The following NAT1 variants were observed in gnomAD, a reference collection of about 807,000 sequenced individuals.
The protein encoded by NAT1 is N-acetyltransferase 1.
For synonymous variants in NAT1, 144 were observed against 122.6 expected, an observed-to-expected ratio of 1.17 and a Z score of -1.16; for missense variants, 400 against 339.2, an observed-to-expected ratio of 1.18 and a Z score of -1.41.
intron 2 of NAT1, among the ~76,000 whole-genome samples, chr8:18,219,790 A>G (rs1001455609): frequency 6.6e-6 from 1 of 152,208 alleles, no homozygotes; most frequent in Non-Finnish European, 1.5e-5. Flanking sequence ...CAGGCCTCTA[A>G]CAAAACTGAC....
chr8:18,186,173 GC>G (rs1373560322), intron 2 of NAT1, among the ~76,000 whole-genome samples: 1 of 152,116 alleles, frequency 6.6e-6, no homozygotes. Context: ...GATTTTTTGT[GC>G]TTTGATTTTA....
At chr8:18,194,068 C>T (rs1033951264) in intron 2 of NAT1, among the ~76,000 whole-genome samples, 11 of 152,260 alleles carry the variant, frequency 7.2e-5, no homozygotes, top group African/African-American at 2.6e-4. Flanking sequence ...TGTGTAGCCC[C>T]CTGGAGCCAG....
intron 1 of NAT1, among the ~76,000 whole-genome samples, chr8:18,217,273 G>A (rs1804774587): frequency 6.6e-6 from 1 of 151,792 alleles, no homozygotes; most frequent in African/African-American, 2.4e-5. Flanking sequence ...TGGGCATTGG[G>A]AAAGCTAAAA....
chr8:18,178,764 G>C (rs1019965152), intron 2 of NAT1, among the ~76,000 whole-genome samples: 1 of 152,150 alleles, frequency 6.6e-6, no homozygotes, highest in Non-Finnish European at 1.5e-5. Context: ...TAACAGATGA[G>C]TGAGTGTTAG....
intron 1 of NAT1, among the ~76,000 whole-genome samples, chr8:18,216,505 G>A (rs1211203957): frequency 6.6e-6 from 1 of 152,128 alleles, no homozygotes; most frequent in African/African-American, 2.4e-5. Context: ...CTCTAGTAAG[G>A]AAACCACAGC....
At chr8:18,184,670 C>A (rs759273656) in intron 2 of NAT1, among the ~76,000 whole-genome samples, 16 of 152,184 alleles carry the variant, frequency 1.1e-4, no homozygotes, top group Non-Finnish European at 1.9e-4. Context: ...AATCTCCCAT[C>A]CAACAGTAGT....
rs1034731022 is a variant in NAT1 at position 18,223,274 on chromosome 8, A to C, written c.*354A>C. The C allele has an allele frequency of 6.0e-6, 1 of 167,238 alleles. No individual in the cohort carries two copies. Among genetic ancestry groups the C allele is most frequent in the Non-Finnish European group, 1.5e-5 (1 of 68,308 alleles). The allele number at this position is 167,238 out of a possible 1,614,324, so 10.4% of individuals were successfully genotyped here. A position where few individuals can be genotyped will look rare whatever the true frequency, so the allele number is the denominator to read the frequency against. On this transcript the variant is annotated 3_prime_UTR_variant, in exon 3 of 3. Transcript: ENST00000307719. ...TAAATAAAATATTGTAAAAAAACTT[A>C]TTGTCTATAAAGTATATTAAAACAT...
At chr8:18,218,841 C>G (rs953838524) in intron 1 of NAT1, among the ~76,000 whole-genome samples, 1 of 152,070 alleles carries the variant, frequency 6.6e-6, no homozygotes, top group Non-Finnish European at 1.5e-5. Context: ...TTCACAGACT[C>G]CTCAGTTTTC....
intron 1 of NAT1, among the ~76,000 whole-genome samples, chr8:18,213,794 G>T (rs1804345790): frequency 1.3e-5 from 2 of 151,644 alleles, no homozygotes; most frequent in African/African-American, 2.4e-5. Flanking sequence ...TTGATCTTCA[G>T]ATCAAATTTT....
Position 18,194,374 on chromosome 8 carries a change from T to C in NAT1, n.93-15407T>C, listed in dbSNP as rs76943059. Among the ~76,000 whole-genome samples the C allele has an allele frequency of 6.6e-3, 1,003 of 152,270 alleles. 8 individuals carry two copies. Among genetic ancestry groups the C allele is most frequent in the African/African-American group, 0.022 (934 of 41,530 alleles). On this transcript the variant is annotated intron_variant and non_coding_transcript_variant, in intron 2 of 4. Transcript: ENST00000517441. Reference sequence around the variant, plus strand: ...TATGATCTCTGCCTATGATGACAATTAGGATTTCTCAGATTTTCTTCTTAC... The same window carrying C: ...TATGATCTCTGCCTATGATGACAATCAGGATTTCTCAGATTTTCTTCTTAC...
At position 18,221,955 on chromosome 8, in the gene NAT1, C is replaced by T; in HGVS notation, c.-6-87C>T. 7 of 1,310,034 alleles carry T rather than the reference C, an allele frequency of 5.3e-6. No homozygotes were observed. In the South Asian group the frequency reaches 8.8e-5, roughly 16 times the overall value. The allele number at this position is 1,310,034 out of a possible 1,614,324, so 81.2% of individuals were successfully genotyped here. On this transcript the variant is annotated intron_variant, in intron 2 of 2. Transcript: ENST00000307719. ...TATACTTATAACCATTGTATTTTTA[C>T]ATGTTTAAAATATAGCCATAATTAG... is the stretch of plus-strand genomic sequence containing the variant.
intron 2 of NAT1, among the ~76,000 whole-genome samples, chr8:18,187,038 C>G (rs377641851): frequency 1.3e-5 from 2 of 152,092 alleles, no homozygotes; most frequent in South Asian, 2.1e-4. Context: ...TACTTAAACA[C>G]CTGTATTCCC....
At chr8:18,189,196 G>C (rs914292730) in intron 2 of NAT1, among the ~76,000 whole-genome samples, 3 of 152,022 alleles carry the variant, frequency 2.0e-5, no homozygotes, top group African/African-American at 4.8e-5. Flanking sequence ...GGGGTTCCTT[G>C]AGGATTTCAA....
At chr8:18,208,975 G>A (rs546428419), upstream of NAT1, among the ~76,000 whole-genome samples, 7 of 149,236 alleles carry the variant, frequency 4.7e-5, no homozygotes, top group African/African-American at 1.0e-4. Flanking sequence ...AGGAGTTGTC[G>A]CGGGACAGTG....
intron 2 of NAT1, among the ~76,000 whole-genome samples, chr8:18,186,340 C>T (rs553298966): frequency 4.5e-4 from 69 of 152,074 alleles, no homozygotes; most frequent in Admixed American, 9.2e-4. Context: ...TTATGAAGTG[C>T]TCCTCTTAAT....
At chr8:18,210,792 T>G (rs1804016400) in intron 1 of NAT1, among the ~76,000 whole-genome samples, 1 of 152,188 alleles carries the variant, frequency 6.6e-6, no homozygotes, top group Non-Finnish European at 1.5e-5. Flanking sequence ...TTTGTTTTTT[T>G]GAGGCAGAGC....
chr8:18,205,558 C>T (rs547875707), upstream of NAT1, among the ~76,000 whole-genome samples: 1 of 151,996 alleles, frequency 6.6e-6, no homozygotes, highest in South Asian at 2.1e-4. Context: ...TGATGGTTTG[C>T]GGAGGGAGGA....
intron 2 of NAT1, among the ~76,000 whole-genome samples, chr8:18,191,498 G>T (rs1328869188): frequency 2.0e-5 from 3 of 151,892 alleles, no homozygotes; most frequent in Non-Finnish European, 4.4e-5. Flanking sequence ...CTACTTTAAA[G>T]TTCATATGGA....
intron 1 of NAT1, chr8:18,216,952 G>C (rs764988941): frequency 4.1e-5 from 63 of 1,551,052 alleles, no homozygotes; most frequent in East Asian, 2.4e-4. Flanking sequence ...CCAGCTGTTG[G>C]CTATAATAGC....
Sources: gnomAD v4.1 joint callset for allele counts (sites outside exome capture counted in the v4.1 genomes callset) on GRCh38, gnomAD v4.1.1 for gene constraint, MANE v1.5 for transcripts, NCBI Gene and HGNC (gene_info 2026-07-23, HGNC 2026-07-21) for gene names.